The following ITFG1 variants were observed in gnomAD, a reference collection of about 807,000 sequenced individuals.
ITFG1 encodes the protein integrin alpha FG-GAP repeat containing 1, also known as T-cell immunomodulatory protein.
ITFG1 carries 34 observed loss-of-function variants against 81.8 expected under a neutral mutation model. The observed-to-expected ratio is 0.42, with a 90% CI of 0.32 to 0.55. The LOEUF is 0.55. ITFG1 is among the 20% of genes least tolerant of loss of function. The probability of loss-of-function intolerance (pLI) is 0.17; values close to 1 mark genes in which losing one functional copy is unlikely to be tolerated. For missense variants in ITFG1, 672 were observed against 755.4 expected, an observed-to-expected ratio of 0.89 and a Z score of 1.29; for synonymous variants, 285 against 270.6, an observed-to-expected ratio of 1.05 and a Z score of -0.52.
intron 8 of ITFG1, among the ~76,000 whole-genome samples, chr16:47,346,717 G>A (rs1005790242): frequency 2.6e-5 from 4 of 152,090 alleles, no homozygotes; most frequent in Non-Finnish European, 5.9e-5. Flanking sequence ...GAATCATGAC[G>A]AAATATAGAA....
chr16:47,341,129 TA>T (rs918920806), intron 8 of ITFG1, among the ~76,000 whole-genome samples: 2 of 151,800 alleles, frequency 1.3e-5, no homozygotes, highest in Non-Finnish European at 2.9e-5. Flanking sequence ...AGAAAGTACT[TA>T]AAAGCCAGGC....
At chr16:47,461,081 C>A, upstream of ITFG1, 1 of 1,486,854 alleles carries the variant, frequency 6.7e-7, no homozygotes, top group Non-Finnish European at 8.9e-7. Flanking sequence ...GGCCCAACGC[C>A]GCGCTTGACG....
At chr16:47,358,741 A>C (rs1968072143) in intron 8 of ITFG1, among the ~76,000 whole-genome samples, 2 of 152,206 alleles carry the variant, frequency 1.3e-5, no homozygotes, top group African/African-American at 4.8e-5. Context: ...TTAATATCCA[A>C]TTGAATAGAG....
chr16:47,181,885 C>G lies in ITFG1; in HGVS notation c.1454-19221G>C, dbSNP rs189399425. 4.4e-3 allele frequency among the ~76,000 whole-genome samples: 669 copies of G among 152,196 alleles called. 6 individuals carry two copies. Among genetic ancestry groups the G allele is most frequent in the African/African-American group, 0.015 (626 of 41,548 alleles). On this transcript the variant is annotated intron_variant, in intron 14 of 17. Coordinates refer to ENST00000320640, the MANE Select transcript of ITFG1 (RefSeq NM_030790.5). ...ATCCTGTTGATCTATGACCTTACCC[C>G]CAACCCTGTGCTCTCTGAAACATGT...
chr16:47,243,718 T>C (rs1048261774), intron 12 of ITFG1, among the ~76,000 whole-genome samples: 1 of 152,122 alleles, frequency 6.6e-6, no homozygotes, highest in African/African-American at 2.4e-5. Flanking sequence ...CCAAGATGCA[T>C]GCAAATATGT....
chr16:47,234,802 T>C (rs115630690), intron 13 of ITFG1, among the ~76,000 whole-genome samples: 3,090 of 152,294 alleles, frequency 0.02, 106 homozygotes, highest in African/African-American at 0.07. Context: ...CATTGAATTG[T>C]AATCCCCATA....
At chr16:47,435,780 G>A (rs967065958) in intron 5 of ITFG1, among the ~76,000 whole-genome samples, 1 of 152,072 alleles carries the variant, frequency 6.6e-6, no homozygotes, top group Admixed American at 6.6e-5. Flanking sequence ...GATATGCTTC[G>A]AAAGAATTTT....
rs923967600 is a variant in ITFG1 at position 47,234,331 on chromosome 16, T to TA, written c.1374+3633dup. Among the ~76,000 whole-genome samples the TA allele has an allele frequency of 2.0e-5, 3 of 151,842 alleles. No individual in the cohort carries two copies. The East Asian group carries it at 5.8e-4, about 29-fold the overall frequency. ...ACTAAGAATCAAAACGAAATAGAAA[T>TA]AAAAAAACTGTAATAAATGAAGAAT... On this transcript the variant is annotated intron_variant, in intron 13 of 17. Transcript: ENST00000320640.
intron 8 of ITFG1, among the ~76,000 whole-genome samples, chr16:47,359,879 A>G (rs1235327267): frequency 6.6e-6 from 1 of 152,192 alleles, no homozygotes; most frequent in Non-Finnish European, 1.5e-5. Context: ...GAGCTCTTAC[A>G]ACTTTCTAAT....
intron 5 of ITFG1, chr16:47,448,486 T>A (rs1242573765): frequency 2.0e-5 from 3 of 152,276 alleles, no homozygotes; most frequent in African/African-American, 7.2e-5. Flanking sequence ...TGCGATCACT[T>A]GTGATGTAAA....
intron 14 of ITFG1, among the ~76,000 whole-genome samples, chr16:47,209,713 C>A (rs1361060090): frequency 1.3e-5 from 2 of 152,210 alleles, no homozygotes; most frequent in African/African-American, 4.8e-5. Context: ...CCGTCACCCA[C>A]ACCTACTCCT....
rs1567438640 is a variant in ITFG1 at position 47,260,568 on chromosome 16, T to C, written c.1198A>G (p.Thr400Ala). The stretch of plus-strand genomic sequence containing the variant: ...ACATCTTCGTAAATGTCAAAGAAGG[T>C]GGCAACCATGGCATCCTTAATTTGA... ...LNQIKDAMVA[T>A]FFDIYEDGIL... is the part of the protein sequence containing the mutation. The change falls in exon 11 of 18, where the codon ACC (threonine) becomes GCC (alanine). Residue 400 changes from threonine (T) to alanine (A), a missense_variant. Coordinates refer to ENST00000320640, the MANE Select transcript of ITFG1 (RefSeq NM_030790.5). The C allele has an allele frequency of 6.2e-7, 1 of 1,614,172 alleles. No homozygotes were observed. Among genetic ancestry groups the C allele is most frequent in the East Asian group, 2.2e-5 (1 of 44,876 alleles).
chr16:47,391,782 C>A (rs1968534698), intron 6 of ITFG1, among the ~76,000 whole-genome samples: 1 of 152,140 alleles, frequency 6.6e-6, no homozygotes, highest in African/African-American at 2.4e-5. Context: ...TCTGCCCACT[C>A]TGACACCCTC....
At chr16:47,386,156 A>C (rs1287200596) in intron 6 of ITFG1, among the ~76,000 whole-genome samples, 2 of 152,234 alleles carry the variant, frequency 1.3e-5, no homozygotes, top group Admixed American at 1.3e-4. Flanking sequence ...TCTCCAGTAA[A>C]ACAAGCATAA....
intron 14 of ITFG1, among the ~76,000 whole-genome samples, chr16:47,200,192 T>C (rs1327037915): frequency 6.6e-6 from 1 of 152,184 alleles, no homozygotes; most frequent in Admixed American, 6.5e-5. Flanking sequence ...GTAAGTACAA[T>C]CTATGATGTT....
chr16:47,432,967 A>G (rs537799793), intron 5 of ITFG1, among the ~76,000 whole-genome samples: 1 of 152,212 alleles, frequency 6.6e-6, no homozygotes, highest in Non-Finnish European at 1.5e-5. Flanking sequence ...TTCATGTTAT[A>G]GGCCAAGAAT....
At chr16:47,426,210 T>C (rs909079731) in intron 6 of ITFG1, 3 of 152,096 alleles carry the variant, frequency 2.0e-5, no homozygotes, top group African/African-American at 7.2e-5. Context: ...TATTTCTTCT[T>C]CATTCACTTT....
chr16:47,383,039 T>A (rs1481271426), intron 6 of ITFG1, among the ~76,000 whole-genome samples: 1 of 152,218 alleles, frequency 6.6e-6, no homozygotes, highest in Non-Finnish European at 1.5e-5. Flanking sequence ...CCTCTACCCC[T>A]GTGAGGTCAG....
intron 14 of ITFG1, among the ~76,000 whole-genome samples, chr16:47,183,639 A>C (rs1419148883): frequency 6.6e-6 from 1 of 152,170 alleles, no homozygotes; most frequent in East Asian, 1.9e-4. Flanking sequence ...CCATCTGTAC[A>C]TCACCATCAT....
Sources: allele counts gnomAD v4.1 joint callset (sites outside exome capture counted in the v4.1 genomes callset), GRCh38; gene constraint gnomAD v4.1.1; transcripts MANE v1.5; gene names NCBI Gene and HGNC (gene_info 2026-07-23, HGNC 2026-07-21).